The following TMEM135 variants were observed in gnomAD, a reference collection of about 807,000 sequenced individuals.
The protein encoded by TMEM135 is peroxisomal membrane protein 52.
Under a neutral mutation model 60.3 loss-of-function variants are expected in TMEM135, and 30 were observed. The ratio of observed to expected loss-of-function variants is 0.50; its 90% CI spans 0.37 to 0.68. The LOEUF (loss-of-function observed/expected upper bound fraction) is 0.68, where lower values mean the gene tolerates loss of function less well. Among genes scored for constraint, TMEM135 ranks in the 30% least tolerant of loss-of-function variants. The pLI is 0.00. For missense variants in TMEM135, 468 were observed against 548.8 expected (o/e 0.85, Z 1.47); for synonymous variants, 190 against 186.7 (o/e 1.02, Z -0.14).
In TMEM135 at chr11:87,104,691, G is replaced by A. The variant is rs578155052; in HGVS notation, c.396+13296G>A. 5.3e-5 allele frequency among the ~76,000 whole-genome samples: 8 copies of A among 152,060 alleles called. No individual in the cohort carries two copies. In the South Asian group the frequency reaches 1.7e-3, roughly 32 times the overall value. ...TTTTTTGTTGTTGCTGTTGTAAATGGGATTTTTTTCTTAATTTATTTTTGA... is the reference window on the plus strand; with the variant it reads ...TTTTTTGTTGTTGCTGTTGTAAATGAGATTTTTTTCTTAATTTATTTTTGA... On this transcript the variant is annotated intron_variant, in intron 4 of 14. Transcript: ENST00000305494.
chr11:87,251,943 C>G (rs660930), intron 6 of TMEM135, among the ~76,000 whole-genome samples: 10 of 151,976 alleles, frequency 6.6e-5, no homozygotes, highest in African/African-American at 2.2e-4. Context: ...GGTAAAAAGT[C>G]TTCATCTGCA....
chr11:87,157,391 A>C lies in TMEM135; in HGVS notation c.447A>C (p.Thr149=), dbSNP rs1938730889. 5 of 1,613,198 alleles carry C rather than the reference A, an allele frequency of 3.1e-6. No individual in the cohort carries two copies. The East Asian group carries it at 1.1e-4, about 36-fold the overall frequency. The change falls in exon 5 of 15, where the codon ACA becomes ACC. Residue 149 remains threonine, a synonymous_variant. Coordinates refer to ENST00000305494, the MANE Select transcript of TMEM135 (RefSeq NM_022918.4). ...RMGVARGTIT[T]LRNGEVLLFC... is the part of the protein sequence containing the mutation. ...GTGTAGCAAGAGGAACCATCACAAC[A>C]TTAAGAAATGGAGAAGTAAGATGAG...
At chr11:87,148,441 G>A (rs1253117170) in intron 4 of TMEM135, among the ~76,000 whole-genome samples, 3 of 152,158 alleles carry the variant, frequency 2.0e-5, no homozygotes, top group Admixed American at 6.5e-5. Context: ...TGGGAACAAA[G>A]GATTGAATTT....
rs1414943986 is a variant in TMEM135, at chr11:87,326,485, G to A, written c.*5152G>A. ...ATTTTTGGTCACCTAAGAGGACCCT[G>A]AAGCTATAGTGCCAAAGGTTTAAAG... On this transcript the variant is annotated 3_prime_UTR_variant, in exon 15 of 15. Coordinates refer to ENST00000305494, the MANE Select transcript of TMEM135 (RefSeq NM_022918.4). The A allele has an allele frequency of 8.8e-6, 4 of 453,974 alleles. No homozygotes were observed. The highest frequency in any genetic ancestry group is 1.8e-5 in the Non-Finnish European group (4 of 226,778). 28.1% of individuals were successfully genotyped at this position (453,974 alleles called of 1,614,324 possible). A position where few individuals can be genotyped will look rare whatever the true frequency, so the allele number is the denominator to read the frequency against.
At chr11:87,308,339 GGC>G (rs1426471573) in intron 9 of TMEM135, among the ~76,000 whole-genome samples, 1 of 152,154 alleles carries the variant, frequency 6.6e-6, no homozygotes, top group Non-Finnish European at 1.5e-5. Context: ...GGTTATCAAT[GGC>G]AAGATGAAAG....
chr11:87,196,324 T>A (rs1423144174), intron 5 of TMEM135, among the ~76,000 whole-genome samples: 2 of 152,146 alleles, frequency 1.3e-5, no homozygotes, highest in Non-Finnish European at 2.9e-5. Context: ...TTTAATTTGA[T>A]ATGCTTAAAA....
At chr11:87,132,704 T>C (rs1464577119) in intron 4 of TMEM135, among the ~76,000 whole-genome samples, 2 of 152,166 alleles carry the variant, frequency 1.3e-5, no homozygotes, top group Non-Finnish European at 2.9e-5. Flanking sequence ...TTATTTAATA[T>C]TTAATAAAAT....
chr11:87,225,197 A>T (rs765558295), intron 5 of TMEM135, among the ~76,000 whole-genome samples: 1 of 152,126 alleles, frequency 6.6e-6, no homozygotes, highest in African/African-American at 2.4e-5. Flanking sequence ...TACTTGAGAG[A>T]AATCCATGAC....
At chr11:87,242,003 C>T (rs1345716692) in intron 6 of TMEM135, among the ~76,000 whole-genome samples, 11 of 150,984 alleles carry the variant, frequency 7.3e-5, no homozygotes, top group East Asian at 2.0e-4. Context: ...TCTCTCCCTG[C>T]CCCCCACCCC....
chr11:87,096,120 A>AAT, intron 4 of TMEM135: 2 of 293,380 alleles, frequency 6.8e-6, no homozygotes, highest in Middle Eastern at 1.2e-3. Flanking sequence ...AATATAAAGA[A>AAT]AACCTACTTG....
chr11:87,164,021 G>A (rs1207099171), intron 5 of TMEM135, among the ~76,000 whole-genome samples: 2 of 141,448 alleles, frequency 1.4e-5, no homozygotes, highest in African/African-American at 5.3e-5. Context: ...TTCTTTTGCT[G>A]TGCAGAAGCT....
At chr11:87,176,797 G>A (rs971318789) in intron 5 of TMEM135, among the ~76,000 whole-genome samples, 2 of 151,938 alleles carry the variant, frequency 1.3e-5, no homozygotes, top group African/African-American at 4.8e-5. Context: ...TGAGAGGGGA[G>A]GATGAATAAG....
intron 6 of TMEM135, among the ~76,000 whole-genome samples, chr11:87,285,415 T>G (rs1003393402): frequency 3.9e-5 from 6 of 152,210 alleles, no homozygotes; most frequent in Admixed American, 2.0e-4. Flanking sequence ...AGTTTATTCC[T>G]TCTGATGTTC....
At chr11:87,144,709 A>AGTGTGTGTGTGTGTGT (rs4014711) in intron 4 of TMEM135, among the ~76,000 whole-genome samples, 1 of 147,038 alleles carries the variant, frequency 6.8e-6, no homozygotes, top group Admixed American at 6.8e-5. Flanking sequence ...TGTGTGTGAA[A>AGTGTGTGTGTGTGTGT]GTGTGTGTGT....
intron 5 of TMEM135, among the ~76,000 whole-genome samples, chr11:87,220,507 T>C (rs775496418): frequency 2.0e-5 from 3 of 152,202 alleles, no homozygotes; most frequent in East Asian, 1.9e-4. Flanking sequence ...TTGAGGTTAT[T>C]ACCCTGTTTC....
chr11:87,216,413 CTGT>C (rs1940501935), intron 5 of TMEM135, among the ~76,000 whole-genome samples: 1 of 151,992 alleles, frequency 6.6e-6, no homozygotes, highest in African/African-American at 2.4e-5. Context: ...TTACTCTACC[CTGT>C]TGTTTGACTA....
chr11:87,228,079 A>G (rs1591120230), intron 5 of TMEM135, among the ~76,000 whole-genome samples: 1 of 152,204 alleles, frequency 6.6e-6, no homozygotes, highest in African/African-American at 2.4e-5. Flanking sequence ...AAATAACAAT[A>G]TAATCAGATG....
chr11:87,270,029 T>C lies in TMEM135; in HGVS notation c.510-25753T>C, dbSNP rs978460167. Among the ~76,000 whole-genome samples, 70 of 127,304 alleles carry C rather than the reference T, an allele frequency of 5.5e-4. 14 individuals are homozygous for C. The highest frequency in any genetic ancestry group is 1.2e-3 in the Non-Finnish European group (64 of 54,888). The allele number at this position is 127,304 out of a possible 152,430, so 83.5% of individuals were successfully genotyped here. On this transcript the variant is annotated intron_variant, in intron 6 of 14. Coordinates refer to ENST00000305494, the MANE Select transcript of TMEM135 (RefSeq NM_022918.4). Reference sequence around the variant, plus strand: ...CTGTTGTTTCCTGACTTTTTAATGATGGCCATTCTAACTGGTGTGAGATGG... The same window carrying C: ...CTGTTGTTTCCTGACTTTTTAATGACGGCCATTCTAACTGGTGTGAGATGG...
intron 5 of TMEM135, among the ~76,000 whole-genome samples, chr11:87,163,689 T>A (rs2135276928): frequency 6.6e-6 from 1 of 150,646 alleles, no homozygotes; most frequent in African/African-American, 2.4e-5. Context: ...CCACATCCTC[T>A]CCAGCACCTG....
Sources: gnomAD v4.1 joint callset for allele counts (sites outside exome capture counted in the v4.1 genomes callset) on GRCh38, gnomAD v4.1.1 for gene constraint, MANE v1.5 for transcripts, NCBI Gene and HGNC (gene_info 2026-07-23, HGNC 2026-07-21) for gene names.